Variants in KMT2C observed in about 807,000 individuals in gnomAD.
KMT2C encodes lysine methyltransferase 2C.
A neutral mutation model predicts 507.9 loss-of-function variants in KMT2C; 88 were observed. That is an observed-to-expected ratio of 0.17 (90% CI 0.15 to 0.21). KMT2C has a LOEUF of 0.21. Ranked by LOEUF, KMT2C falls within the 10% of genes least tolerant of loss-of-function variation. The pLI, the probability that KMT2C is intolerant of heterozygous loss-of-function variation, is 1.00. For synonymous variants in KMT2C, 2,049 were observed against 2,080.8 expected, an observed-to-expected ratio of 0.98 and a Z score of 0.42; for missense variants, 4,954 against 5,957.8, an observed-to-expected ratio of 0.83 and a Z score of 5.55.
chr7:152,233,562 G>T (rs2095188236), intron 16 of KMT2C, among the ~76,000 whole-genome samples: 1 of 152,100 alleles, frequency 6.6e-6, no homozygotes, highest in African/African-American at 2.4e-5. Context: ...AAAAGTCCAT[G>T]AAAACAAAGG....
rs2096677873 is a variant in KMT2C at position 152,312,126 on chromosome 7, C to T, written c.591-180G>A. ...CATGGTATAATATTAAACTGGGTTG[C>T]CATATTATATCGTATAAGTAACAAG... On this transcript the variant is annotated intron_variant, in intron 4 of 58. Transcript: ENST00000262189. The T allele has an allele frequency of 1.4e-5, 6 of 417,450 alleles. No homozygotes were observed. In the South Asian group the frequency reaches 4.1e-4, roughly 28 times the overall value. The allele number at this position is 417,450 out of a possible 1,614,324, so 25.9% of individuals were successfully genotyped here.
At chr7:152,179,197 T>C (rs769093789) in intron 37 of KMT2C, among the ~76,000 whole-genome samples, 11 of 152,354 alleles carry the variant, frequency 7.2e-5, no homozygotes, top group Middle Eastern at 3.4e-3. Context: ...GGTTTTACCA[T>C]GTTGGCCAGG....
At chr7:152,288,735 A>G (rs866664999) in intron 6 of KMT2C, among the ~76,000 whole-genome samples, 392 of 152,270 alleles carry the variant, frequency 2.6e-3, no homozygotes, top group Non-Finnish European at 4.3e-3. Context: ...ATGCTAATAT[A>G]TATCATAAAC....
Position 152,209,868 on chromosome 7 carries a change from A to T in KMT2C, c.3713-2440T>A, listed in dbSNP as rs150925407. Among the ~76,000 whole-genome samples, 588 of 152,312 alleles carry T rather than the reference A, an allele frequency of 3.9e-3. 4 individuals are homozygous for T. Among genetic ancestry groups the T allele is most frequent in the South Asian group, 7.3e-3 (35 of 4,820 alleles). On this transcript the variant is annotated intron_variant, in intron 23 of 58. Transcript: ENST00000262189. ...TATAACACTCCTCAGAAGGCTGAGAAACTAGGAAAACTGGCCACCTTTGGA... is the reference window on the plus strand; with the variant it reads ...TATAACACTCCTCAGAAGGCTGAGATACTAGGAAAACTGGCCACCTTTGGA...
chr7:152,255,157 A>ATATATG lies in KMT2C; in HGVS notation c.1300-2443_1300-2442insCATATA, dbSNP rs767823858. Among the ~76,000 whole-genome samples the ATATATG allele has an allele frequency of 2.8e-3, 362 of 128,280 alleles. 7 individuals are homozygous for ATATATG. Among genetic ancestry groups the ATATATG allele is most frequent in the African/African-American group, 0.01 (336 of 33,006 alleles). The allele number at this position is 128,280 out of a possible 152,430, so 84.2% of individuals were successfully genotyped here. A position where few individuals can be genotyped will look rare whatever the true frequency, so the allele number is the denominator to read the frequency against. The stretch of plus-strand genomic sequence containing the variant: ...TATATATATATATACATATATATAT[A>ATATATG]TGTGTGTGTGTGTGTGTGTGTGTTT... On this transcript the variant is annotated intron_variant, in intron 9 of 58. Transcript: ENST00000262189.
At chr7:152,305,240 T>C (rs2096605401) in intron 6 of KMT2C, among the ~76,000 whole-genome samples, 2 of 152,186 alleles carry the variant, frequency 1.3e-5, no homozygotes, top group African/African-American at 2.4e-5. Flanking sequence ...ATACACTCTG[T>C]CAGAGGTGAT....
chr7:152,367,412 C>G, intron 1 of KMT2C: 1 of 691,556 alleles, frequency 1.4e-6, no homozygotes. Context: ...GAGACAGGGT[C>G]TCGCCTTATT....
rs768985811 is a variant in KMT2C, at chr7:152,176,886, G to A, written c.8567C>T (p.Ala2856Val). The A allele has an allele frequency of 6.2e-7, 1 of 1,614,190 alleles. No individual in the cohort carries two copies. The highest frequency in any genetic ancestry group is 8.5e-7 in the Non-Finnish European group (1 of 1,180,002). Reference sequence around the variant, plus strand: ...ATCATTTAGGTCTGAGTGAGCAGAAGCCTGTGAGCAAGGAGTGTCAACATT... The same window carrying A: ...ATCATTTAGGTCTGAGTGAGCAGAAACCTGTGAGCAAGGAGTGTCAACATT... ...KDNVDTPCSQ[A>V]SAHSDLNDGE... The change falls in exon 38 of 59, where the codon GCT becomes GTT. Residue 2856 changes from alanine to valine, a missense_variant. Ala to Val is a moderately conservative substitution (Grantham distance 64). This residue lies in a region of KMT2C where 1,689 missense variants were observed against 1,654.3 expected (regional missense o/e 1.02). Transcript: ENST00000262189.
At chr7:152,335,752 A>G (rs2096927897) in intron 2 of KMT2C, among the ~76,000 whole-genome samples, 1 of 152,238 alleles carries the variant, frequency 6.6e-6, no homozygotes, top group Non-Finnish European at 1.5e-5. Flanking sequence ...GAAAAGAAGC[A>G]GGACAATGTC....
At chr7:152,288,353 GC>G (rs1433714289) in intron 6 of KMT2C, among the ~76,000 whole-genome samples, 4 of 151,384 alleles carry the variant, frequency 2.6e-5, no homozygotes, top group Admixed American at 2.6e-4. Context: ...GGCCAACATG[GC>G]AAAACCCTGT....
rs2129117976 is a variant in KMT2C, at chr7:152,179,886, C to T, written c.7390G>A (p.Gly2464Arg). The change falls in exon 37 of 59, where the codon GGA becomes AGA. Residue 2464 changes from glycine (G) to arginine (R), a missense_variant. Transcript: ENST00000262189. ...RYAVFPKDQR[G>R]PYPPDVASMG... is the part of the protein sequence containing the mutation. ...CTAGCAACATCAGGAGGATAGGGTC[C>T]ACGCTGATCTTTTGGGAAAACAGCA... is the stretch of plus-strand genomic sequence containing the variant. The T allele has an allele frequency of 6.2e-7, 1 of 1,614,066 alleles. No individual in the cohort carries two copies.
intron 16 of KMT2C, among the ~76,000 whole-genome samples, chr7:152,235,207 G>GTGTATATATATATATATATATATA: frequency 7.0e-6 from 1 of 142,424 alleles, no homozygotes; most frequent in Non-Finnish European, 1.5e-5. Context: ...TTTCAAGGGT[G>GTGTATATATATATATATATATATA]TATATATATA....
At chr7:152,280,397 A>T (rs1333452870) in intron 6 of KMT2C, among the ~76,000 whole-genome samples, 2 of 152,248 alleles carry the variant, frequency 1.3e-5, no homozygotes, top group Non-Finnish European at 2.9e-5. Flanking sequence ...AAATAAAAAA[A>T]AAAAATTAGC....
In KMT2C at chr7:152,177,403, C is replaced by T. The variant is rs1266814011; in HGVS notation, c.8050G>A (p.Gly2684Ser). ...TCAGAATCAAGTTTTTCCTCTAGAC[C>T]ATCAGAAGGCTGGGTGGTTATCTGT... ...NLQITTQPSD[G>S]LEEKLDSDDP... Residue 2684 changes from glycine (G) to serine (S), a missense_variant, in exon 38 of 59, where the codon GGT (glycine) becomes AGT (serine). Around this residue, in one of 29 missense-constraint regions of KMT2C, gnomAD observed 1,689 missense variants for 1,654.3 expected, o/e 1.02. Transcript: ENST00000262189. 1.2e-6 allele frequency: 2 copies of T among 1,614,154 alleles called. No individual in the cohort carries two copies. The highest frequency in any genetic ancestry group is 1.7e-5 in the Admixed American group (1 of 60,020).
Position 152,148,820 on chromosome 7 carries a change from C to G in KMT2C, c.13107G>C (p.Gly4369=), listed in dbSNP as rs996285090. Residue 4369 remains glycine (G), a synonymous_variant, in exon 52 of 59, where the codon GGG becomes GGC. Transcript: ENST00000262189. This position sits in a 1 kb window ranked among gnomAD's most constrained non-coding sequence, Gnocchi z 7.1. ...CATCCTCACAAGGTGGTTTAAATGT[C>G]CCCTTAGGGATTACAATATGAATGC... ...KWSIHIVIPK[G]TFKPPCEDEI... 1 of 1,614,098 alleles carries G rather than the reference C, an allele frequency of 6.2e-7. No homozygotes were observed. The highest frequency in any genetic ancestry group is 8.5e-7 in the Non-Finnish European group (1 of 1,180,034).
At chr7:152,270,389 A>C (rs2095941097) in intron 7 of KMT2C, among the ~76,000 whole-genome samples, 1 of 152,232 alleles carries the variant, frequency 6.6e-6, no homozygotes, top group Non-Finnish European at 1.5e-5. Context: ...ATTGAGGAAC[A>C]GGGGGTGAAT....
intron 6 of KMT2C, among the ~76,000 whole-genome samples, chr7:152,287,299 G>T (rs1416123516): frequency 2.0e-5 from 3 of 152,210 alleles, no homozygotes; most frequent in Non-Finnish European, 4.4e-5. Context: ...ATTCAGTGGA[G>T]GCCAAGTGAA....
chr7:152,149,839 A>G (rs2091459412), intron 51 of KMT2C, among the ~76,000 whole-genome samples: 2 of 152,182 alleles, frequency 1.3e-5, no homozygotes, highest in African/African-American at 4.8e-5. Context: ...ACATGCCCCA[A>G]TCCTGACAAG....
intron 1 of KMT2C, among the ~76,000 whole-genome samples, chr7:152,394,430 A>G (rs1461466911): frequency 1.3e-5 from 2 of 152,294 alleles, no homozygotes; most frequent in Non-Finnish European, 2.9e-5. Flanking sequence ...TGCTAAGCAC[A>G]TTCCTGCCTC....
Sources: gnomAD v4.1 joint callset for allele counts (sites outside exome capture counted in the v4.1 genomes callset) on GRCh38, gnomAD v4.1.1 for gene constraint, gnomAD v4.1.1 regional missense constraint, Gnocchi (gnomAD v3.1) non-coding constraint, MANE v1.5 for transcripts, NCBI Gene and HGNC (gene_info 2026-07-23, HGNC 2026-07-21) for gene names.